SERGEF: variants seen among roughly 807,000 people sequenced by gnomAD.
The protein encoded by SERGEF is secretion regulating guanine nucleotide exchange factor.
In SERGEF, 51 loss-of-function variants were observed where a neutral mutation model predicts 50.0. The ratio of observed to expected loss-of-function variants is 1.02; its 90% CI spans 0.81 to 1.29. The LOEUF is 1.29. Among genes scored for constraint, SERGEF ranks in the 50% most tolerant of loss-of-function variants. The pLI, the probability that SERGEF is intolerant of heterozygous loss-of-function variation, is 0.00. For missense variants in SERGEF, 521 were observed against 557.0 expected, an observed-to-expected ratio of 0.94 and a Z score of 0.65; for synonymous variants, 205 against 212.4, an observed-to-expected ratio of 0.97 and a Z score of 0.30.
At chr11:17,977,191 T>C (rs1287637575) in intron 8 of SERGEF, among the ~76,000 whole-genome samples, 1 of 152,212 alleles carries the variant, frequency 6.6e-6, no homozygotes, top group African/African-American at 2.4e-5. Context: ...CTTGTGGGGC[T>C]CACATTCGGT....
intron 1 of SERGEF, chr11:18,012,637 G>A: frequency 8.5e-7 from 1 of 1,182,756 alleles, no homozygotes; most frequent in Non-Finnish European, 1.1e-6. Context: ...CTGTCTTCCA[G>A]GCGCTATTCG....
At position 17,879,216 on chromosome 11, in the gene SERGEF, C is replaced by T. The variant is rs371305133; in HGVS notation, c.1012-972G>A. ...CAGAGTTTCCAACCAGTGGGAGATA[C>T]TTCTTGCCCTTCAGTCTCCATATGT... On this transcript the variant is annotated intron_variant, in intron 9 of 10. Transcript: ENST00000265965. Among the ~76,000 whole-genome samples, 17 of 152,302 alleles carry T rather than the reference C, an allele frequency of 1.1e-4. No individual in the cohort carries two copies. In the South Asian group the frequency reaches 3.5e-3, roughly 32 times the overall value.
intron 10 of SERGEF, among the ~76,000 whole-genome samples, chr11:17,848,257 C>T (rs1850650597): frequency 6.6e-6 from 1 of 152,172 alleles, no homozygotes; most frequent in African/African-American, 2.4e-5. Flanking sequence ...GAAGGAGCAA[C>T]TGATTCCACC....
chr11:17,795,328 G>C (rs1022086470), intron 10 of SERGEF, among the ~76,000 whole-genome samples: 2 of 152,182 alleles, frequency 1.3e-5, no homozygotes, highest in African/African-American at 4.8e-5. Context: ...CAAGGAATGG[G>C]GAGTGAGGAA....
intron 9 of SERGEF, among the ~76,000 whole-genome samples, chr11:17,958,741 C>T (rs1049396971): frequency 6.6e-6 from 1 of 152,230 alleles, no homozygotes; most frequent in Non-Finnish European, 1.5e-5. Context: ...TTCCAACCTC[C>T]ATGACTCTTT....
Position 18,000,477 on chromosome 11 carries a change from A to T in SERGEF, c.508+20T>A. On this transcript the variant is annotated intron_variant, in intron 5 of 10. Coordinates refer to ENST00000265965, the MANE Select transcript of SERGEF (RefSeq NM_012139.4). ...AAAGTATTAAAAATAAAAATAAAAA[A>T]ATAAAGATAAGATGATCACCTGTAG... is the stretch of plus-strand genomic sequence containing the variant. The T allele has an allele frequency of 6.6e-7, 1 of 1,523,180 alleles. No individual in the cohort carries two copies. The highest frequency in any genetic ancestry group is 1.2e-5 in the South Asian group (1 of 80,108). 94.4% of individuals were successfully genotyped at this position (1,523,180 alleles called of 1,614,324 possible). A position where few individuals can be genotyped will look rare whatever the true frequency, so the allele number is the denominator to read the frequency against.
intron 10 of SERGEF, among the ~76,000 whole-genome samples, chr11:17,815,221 G>A (rs561895610): frequency 2.5e-4 from 38 of 151,562 alleles, no homozygotes; most frequent in African/African-American, 9.0e-4. Flanking sequence ...CAGTCTTTAG[G>A]TTATGATCTA....
At chr11:17,823,082 T>A (rs892868961) in intron 10 of SERGEF, among the ~76,000 whole-genome samples, 2 of 152,228 alleles carry the variant, frequency 1.3e-5, no homozygotes, top group African/African-American at 4.8e-5. Flanking sequence ...TTAGCCATCA[T>A]GTCTCCTTAG....
At chr11:17,934,495 A>G (rs994607411) in intron 9 of SERGEF, among the ~76,000 whole-genome samples, 3 of 152,208 alleles carry the variant, frequency 2.0e-5, no homozygotes, top group Non-Finnish European at 4.4e-5. Flanking sequence ...TATATCTGAC[A>G]ACTCTCCTCT....
rs568163367 is a variant in SERGEF at position 17,838,030 on chromosome 11, C to T, written c.1048+40178G>A. Among the ~76,000 whole-genome samples the T allele has an allele frequency of 3.9e-5, 6 of 152,238 alleles. 1 individual carries two copies. Among genetic ancestry groups the T allele is most frequent in the Admixed American group, 3.3e-4 (5 of 15,288 alleles). On this transcript the variant is annotated intron_variant, in intron 10 of 10. Transcript: ENST00000265965. ...TTCCTTGATACAATCACCAAATAGA[C>T]GAAGATAGTAACCTTCAGGGCATGC...
At chr11:17,966,827 CA>C (rs1853135357) in intron 8 of SERGEF, among the ~76,000 whole-genome samples, 1 of 152,038 alleles carries the variant, frequency 6.6e-6, no homozygotes, top group Non-Finnish European at 1.5e-5. Flanking sequence ...AGAGAATGAA[CA>C]AAAGTTGAAA....
chr11:17,850,317 C>T (rs917741349), intron 10 of SERGEF, among the ~76,000 whole-genome samples: 1 of 152,178 alleles, frequency 6.6e-6, no homozygotes, highest in Admixed American at 6.5e-5. Context: ...CCTAACAGGA[C>T]ATTCATGCTC....
rs372076858 is a variant in SERGEF at position 17,995,583 on chromosome 11, A to G, written c.622+213T>C. 2.3e-4 allele frequency among the ~76,000 whole-genome samples: 35 copies of G among 152,332 alleles called. No individual in the cohort carries two copies. The East Asian group carries it at 6.0e-3, about 26-fold the overall frequency. On this transcript the variant is annotated intron_variant, in intron 6 of 10. Coordinates refer to ENST00000265965, the MANE Select transcript of SERGEF (RefSeq NM_012139.4). The stretch of plus-strand genomic sequence containing the variant: ...ATCTCCACCTACCTGACTTGCATCT[A>G]TGCCTCAATCGGTTCCAAACTCTGG...
At chr11:17,930,350 C>T (rs1214200095) in intron 9 of SERGEF, among the ~76,000 whole-genome samples, 1 of 152,194 alleles carries the variant, frequency 6.6e-6, no homozygotes, top group Admixed American at 6.5e-5. Context: ...CTTATCAAAA[C>T]AGGATTCAGG....
intron 1 of SERGEF, among the ~76,000 whole-genome samples, chr11:18,012,047 T>C (rs1193702429): frequency 1.3e-5 from 2 of 152,046 alleles, no homozygotes; most frequent in East Asian, 1.9e-4. Flanking sequence ...CATGTGTATT[T>C]CCCCAACACC....
rs78117531 is a variant in SERGEF, at chr11:17,838,000, A to C, written c.1048+40208T>G. 0.019 allele frequency among the ~76,000 whole-genome samples: 2,891 copies of C among 152,274 alleles called. 191 individuals are homozygous for C. In the East Asian group the frequency reaches 0.23, roughly 12 times the overall value. On this transcript the variant is annotated intron_variant, in intron 10 of 10. Coordinates refer to ENST00000265965, the MANE Select transcript of SERGEF (RefSeq NM_012139.4). ...TTTTCTTTATAAATTACCCAGTCTTAGGTATTCCTTGATACAATCACCAAA... is the reference window on the plus strand; with the variant it reads ...TTTTCTTTATAAATTACCCAGTCTTCGGTATTCCTTGATACAATCACCAAA...
In SERGEF at chr11:17,788,397, A is replaced by G. The variant is rs1478035919; in HGVS notation, c.1065T>C (p.Ser355=). The part of the protein sequence containing the change: ...NLAIIGGVCY[S]WGWNEHGMCG... The stretch of plus-strand genomic sequence containing the variant: ...ACATGCCATGCTCATTCCAGCCCCA[A>G]GAGTAACACACTCCACCTGTGAAGG... The change falls in exon 11 of 11, where the codon TCT becomes TCC. Residue 355 remains serine (S), a synonymous_variant. Transcript: ENST00000265965. 5.0e-6 allele frequency: 8 copies of G among 1,607,572 alleles called. No homozygotes were observed. In the African/African-American group the frequency reaches 5.3e-5, roughly 11 times the overall value.
intron 9 of SERGEF, among the ~76,000 whole-genome samples, chr11:17,917,055 C>G (rs1852061677): frequency 6.6e-6 from 1 of 152,176 alleles, no homozygotes; most frequent in African/African-American, 2.4e-5. Flanking sequence ...ATCCAGCATT[C>G]CCACTACTGG....
intron 8 of SERGEF, among the ~76,000 whole-genome samples, chr11:17,969,050 C>G (rs1853190579): frequency 6.6e-6 from 1 of 152,230 alleles, no homozygotes; most frequent in Admixed American, 6.5e-5. Context: ...AGGCAATAAA[C>G]ATAAATGCAC....
Sources: gnomAD v4.1 joint callset for allele counts (sites outside exome capture counted in the v4.1 genomes callset) on GRCh38, gnomAD v4.1.1 for gene constraint, MANE v1.5 for transcripts, NCBI Gene and HGNC (gene_info 2026-07-23, HGNC 2026-07-21) for gene names.